Variants in EMC1 observed in about 807,000 individuals in gnomAD.
EMC1 encodes KIAA0090.
A neutral mutation model predicts 128.8 loss-of-function variants in EMC1; 103 were observed. The ratio of observed to expected loss-of-function variants is 0.80; its 90% CI spans 0.68 to 0.94. EMC1 has a LOEUF of 0.94. EMC1 is among the 40% of genes least tolerant of loss of function. EMC1 has a pLI of 0.00. For synonymous variants in EMC1, 442 were observed against 490.4 expected (o/e 0.90, Z 1.30); for missense variants, 1,083 against 1,250.6 (o/e 0.87, Z 2.02).
chr1:19,243,950 C>G lies in EMC1; in HGVS notation c.286G>C (p.Asp96His), dbSNP rs2151962819. Residue 96 changes from aspartate to histidine, a missense_variant and splice_region_variant, in exon 3 of 23, where the codon GAT becomes CAT. This residue lies in a region of EMC1 where 544 missense variants were observed against 572.4 expected (regional missense o/e 0.95). Coordinates refer to ENST00000477853, the MANE Select transcript of EMC1 (RefSeq NM_015047.3). ...GGAGACACGGGAGGACTCTGCTTAC[C>G]CTGTCCGTGCAGCAGCATGGCATCC... is the stretch of plus-strand genomic sequence containing the variant. ...AVDAMLLHGQ[D>H]VITVSNGGRI... 1 of 1,614,090 alleles carries G rather than the reference C, an allele frequency of 6.2e-7. No individual in the cohort carries two copies. Among genetic ancestry groups the G allele is most frequent in the South Asian group, 1.1e-5 (1 of 91,080 alleles).
rs2093599773 is a variant in EMC1, at chr1:19,240,593, C to A, written c.637-147G>T. 5 of 780,750 alleles carry A rather than the reference C, an allele frequency of 6.4e-6. No individual in the cohort carries two copies. The East Asian group carries it at 1.3e-4, about 21-fold the overall frequency. The allele number at this position is 780,750 out of a possible 1,614,324, so 48.4% of individuals were successfully genotyped here. A position where few individuals can be genotyped will look rare whatever the true frequency, so the allele number is the denominator to read the frequency against. On this transcript the variant is annotated intron_variant, in intron 6 of 22. Transcript: ENST00000477853. Reference sequence around the variant, plus strand: ...TTGGTTGTATAGGAGTTCTTCCTGTCCCCTGAAACCCCACCCTCCAACCTC... The same window carrying A: ...TTGGTTGTATAGGAGTTCTTCCTGTACCCTGAAACCCCACCCTCCAACCTC...
intron 4 of EMC1, among the ~76,000 whole-genome samples, chr1:19,242,770 A>G (rs1227416246): frequency 2.0e-5 from 3 of 152,176 alleles, no homozygotes; most frequent in Non-Finnish European, 1.5e-5. Flanking sequence ...TATCCATGAG[A>G]CAGTGCTGTC....
chr1:19,236,387 T>C (rs2151953587), intron 12 of EMC1, among the ~76,000 whole-genome samples: 1 of 151,646 alleles, frequency 6.6e-6, no homozygotes, highest in African/African-American at 2.4e-5. Flanking sequence ...CCAGGCACGG[T>C]GGCTCACACC....
intron 20 of EMC1, 89 bp downstream of exon 20, chr1:19,222,535 G>A (rs1178280362): frequency 5.1e-6 from 6 of 1,182,300 alleles, no homozygotes; most frequent in African/African-American, 3.0e-5. Context: ...GGTTCAACAA[G>A]GCTCTGCCAG....
intron 12 of EMC1, 150 bp from the exon 13 acceptor site, chr1:19,235,402 A>C: frequency 3.9e-4 from 292 of 742,056 alleles, no homozygotes; most frequent in Non-Finnish European, 5.3e-4. Flanking sequence ...ACCTTATCTC[A>C]ACAAAAAATA....
intron 10 of EMC1, among the ~76,000 whole-genome samples, chr1:19,238,462 G>A (rs1303564416): frequency 6.6e-6 from 1 of 152,154 alleles, no homozygotes; most frequent in Admixed American, 6.5e-5. Context: ...GGAAGCCACA[G>A]CAGGAACCTA....
At chr1:19,223,095 A>C in intron 19 of EMC1, 2 of 560,166 alleles carry the variant, frequency 3.6e-6, no homozygotes, top group Non-Finnish European at 6.3e-6. Flanking sequence ...AATCATTACT[A>C]GGTGCCAGGC....
chr1:19,226,706 C>T (rs1022173109), intron 18 of EMC1, among the ~76,000 whole-genome samples: 2 of 151,816 alleles, frequency 1.3e-5, no homozygotes, highest in African/African-American at 4.8e-5. Flanking sequence ...CAGGCATGCA[C>T]CACCATGCCC....
At chr1:19,248,332 G>C (rs369612785) in intron 1 of EMC1, among the ~76,000 whole-genome samples, 35 of 152,238 alleles carry the variant, frequency 2.3e-4, no homozygotes, top group African/African-American at 8.2e-4. Flanking sequence ...CGAGTAGCTG[G>C]GACTACAGGC....
At chr1:19,248,409 C>T (rs567186730) in intron 1 of EMC1, among the ~76,000 whole-genome samples, 1 of 151,562 alleles carries the variant, frequency 6.6e-6, no homozygotes, top group Non-Finnish European at 1.5e-5. Context: ...TATTGCCCAA[C>T]CTGTTTTTTG....
intron 1 of EMC1, among the ~76,000 whole-genome samples, chr1:19,249,826 G>A (rs965767540): frequency 6.6e-6 from 1 of 152,050 alleles, no homozygotes; most frequent in Admixed American, 6.6e-5. Flanking sequence ...GGCTGAGCTG[G>A]GAGGGTCACT....
chr1:19,232,776 G>A lies in EMC1; in HGVS notation c.1633-3C>T, dbSNP rs745746030. 7 of 1,613,928 alleles carry A rather than the reference G, an allele frequency of 4.3e-6. No individual in the cohort carries two copies. The African/African-American group carries it at 5.3e-5, about 12-fold the overall frequency. ...GAGCTGCTCTCAATGCCAAAAAGCT[G>A]CAAGATAAACAAATACTTGGCTCAC... On this transcript the variant is annotated splice_polypyrimidine_tract_variant and splice_region_variant and intron_variant, in intron 14 of 22. Transcript: ENST00000477853.
chr1:19,238,227 C>A, intron 10 of EMC1, 88 bp from the exon 11 acceptor site: 1 of 1,489,284 alleles, frequency 6.7e-7, no homozygotes, highest in South Asian at 1.3e-5. Flanking sequence ...GGGCAAATAC[C>A]CTAGAGAAGG....
chr1:19,232,035 G>A (rs2093526791), intron 15 of EMC1, among the ~76,000 whole-genome samples: 1 of 152,190 alleles, frequency 6.6e-6, no homozygotes, highest in Admixed American at 6.5e-5. Context: ...GCCGAGGCAG[G>A]TGGATCATCT....
At chr1:19,247,515 A>G (rs1312770600) in intron 1 of EMC1, among the ~76,000 whole-genome samples, 1 of 152,228 alleles carries the variant, frequency 6.6e-6, no homozygotes, top group African/African-American at 2.4e-5. Flanking sequence ...AGTCGAATGC[A>G]TTAATCACGT....
intron 20 of EMC1, 35 bp from the exon 21 acceptor site, chr1:19,220,883 A>C: frequency 1.3e-6 from 2 of 1,498,032 alleles, no homozygotes; most frequent in Non-Finnish European, 1.8e-6. Context: ...ACACCGATCC[A>C]GTGTCCAGCA....
chr1:19,220,733 G>C (rs1263814911), intron 21 of EMC1, 31 bp downstream of exon 21: 2 of 1,554,802 alleles, frequency 1.3e-6, no homozygotes, highest in Admixed American at 3.5e-5. Flanking sequence ...TGTAAGGTCA[G>C]AGCCTTCAGC....
At chr1:19,231,032 A>C in intron 16 of EMC1, 69 bp from the exon 17 acceptor site, 1 of 1,584,724 alleles carries the variant, frequency 6.3e-7, no homozygotes, top group Non-Finnish European at 8.6e-7. Context: ...CTTAAGAATA[A>C]AACTGCAAAT....
Position 19,251,510 on chromosome 1 carries a change from G to A in EMC1, c.-1C>T. 16 of 1,614,030 alleles carry A rather than the reference G, an allele frequency of 9.9e-6. No individual in the cohort carries two copies. Among genetic ancestry groups the A allele is most frequent in the Non-Finnish European group, 1.3e-5 (15 of 1,179,964 alleles). ...AACGAGAAGCCCACTCAGCCGCCAT[G>A]ATGCGAGCGCATGCACCACCCACCG... On this transcript the variant is annotated 5_prime_UTR_variant, in exon 1 of 23. Coordinates refer to ENST00000477853, the MANE Select transcript of EMC1 (RefSeq NM_015047.3).
Sources: allele counts gnomAD v4.1 joint callset (sites outside exome capture counted in the v4.1 genomes callset), GRCh38; gene constraint gnomAD v4.1.1; regional missense constraint gnomAD v4.1.1; transcripts MANE v1.5; gene names NCBI Gene and HGNC (gene_info 2026-07-23, HGNC 2026-07-21).